ZNF616: variants seen among roughly 807,000 people sequenced by gnomAD.
ZNF616 encodes zinc finger protein 616.
In ZNF616, 5 loss-of-function variants were observed where a neutral mutation model predicts 7.6. The ratio of observed to expected loss-of-function variants is 0.66; its 90% CI spans 0.34 to 1.38. The LOEUF is 1.38. Ranked by LOEUF, ZNF616 falls within the 40% of genes most tolerant of loss-of-function variation. The pLI is 0.04. For missense variants in ZNF616, 913 were observed against 948.3 expected (o/e 0.96, Z 0.49); for synonymous variants, 319 against 317.2 (o/e 1.01, Z -0.06).
intron 2 of ZNF616, among the ~76,000 whole-genome samples, chr19:52,128,674 G>C (rs572344111): frequency 6.6e-6 from 1 of 151,522 alleles, no homozygotes; most frequent in African/African-American, 2.4e-5. Context: ...CCTGGGAGGC[G>C]GAGGCTGCAG....
intron 3 of ZNF616, among the ~76,000 whole-genome samples, chr19:52,122,929 C>T (rs1003071654): frequency 7.9e-5 from 12 of 152,072 alleles, no homozygotes; most frequent in African/African-American, 1.9e-4. Context: ...CCACCGTGCC[C>T]GGTCTCATTA....
chr19:52,133,705 G>T (rs1265027352), intron 1 of ZNF616, among the ~76,000 whole-genome samples: 1 of 152,086 alleles, frequency 6.6e-6, no homozygotes, highest in African/African-American at 2.4e-5. Flanking sequence ...AAGAGCCGGG[G>T]TTTCACTGTA....
chr19:52,114,760 A>G lies in ZNF616; in HGVS notation c.*58T>C. On this transcript the variant is annotated 3_prime_UTR_variant, in exon 4 of 4. Transcript: ENST00000600228. ...AGGGATTTCAAGAGAAGGGGTAAAT[A>G]TACAAGGTATATCAGTAAGTAGGAA... is the stretch of plus-strand genomic sequence containing the variant. 1 of 1,513,066 alleles carries G rather than the reference A, an allele frequency of 6.6e-7. No individual in the cohort carries two copies. The highest frequency in any genetic ancestry group is 2.3e-5 in the East Asian group (1 of 44,166). 93.7% of individuals were successfully genotyped at this position (1,513,066 alleles called of 1,614,324 possible). A position where few individuals can be genotyped will look rare whatever the true frequency, so the allele number is the denominator to read the frequency against.
At chr19:52,120,893 G>A (rs906792442) in intron 3 of ZNF616, among the ~76,000 whole-genome samples, 11 of 152,144 alleles carry the variant, frequency 7.2e-5, no homozygotes, top group African/African-American at 2.4e-4. Flanking sequence ...TTATAAATAG[G>A]ACAGACAGAA....
intron 2 of ZNF616, among the ~76,000 whole-genome samples, chr19:52,127,962 C>T (rs73934989): frequency 0.1 from 15,486 of 152,158 alleles, 2,459 homozygotes; most frequent in African/African-American, 0.34. Context: ...ACTCTTGCCA[C>T]AGAACTTACA....
At chr19:52,123,405 TC>T in intron 3 of ZNF616, among the ~76,000 whole-genome samples, 1 of 152,206 alleles carries the variant, frequency 6.6e-6, no homozygotes, top group East Asian at 1.9e-4. Flanking sequence ...ATATCAGCAC[TC>T]TGGGGTGCCA....
chr19:52,117,140 A>T, intron 3 of ZNF616, 116 bp from the exon 4 acceptor site: 1 of 817,054 alleles, frequency 1.2e-6, no homozygotes, highest in East Asian at 2.9e-5. Context: ...CAGGTGTGAG[A>T]GTTCTCCACC....
chr19:52,127,962 C>G (rs73934989), intron 2 of ZNF616, among the ~76,000 whole-genome samples: 1 of 152,070 alleles, frequency 6.6e-6, no homozygotes, highest in East Asian at 1.9e-4. Context: ...ACTCTTGCCA[C>G]AGAACTTACA....
chr19:52,116,624 AAT>A lies in ZNF616; in HGVS notation c.538_539del (p.Ile180Ter). The A allele has an allele frequency of 1.2e-6, 2 of 1,613,936 alleles. No homozygotes were observed. The highest frequency in any genetic ancestry group is 1.7e-6 in the Non-Finnish European group (2 of 1,179,942). On this transcript the variant is annotated frameshift_variant, in exon 4 of 4. Transcript: ENST00000600228. LOFTEE classifies it low-confidence loss of function (END_TRUNC). ...GNNGCLVSPHIREKTYVCNEC... is the reference protein window; with the variant it reads ...GNNGCLVSPHXREKTYVCNEC... Reference sequence around the variant, plus strand: ...CATTACATACATACGTTTTTTCCCTAATGTGTGGAGAAACTAAACAACCATTA... The same window carrying A: ...CATTACATACATACGTTTTTTCCCTAGTGTGGAGAAACTAAACAACCATTA...
At chr19:52,120,391 C>T (rs1016423301) in intron 3 of ZNF616, among the ~76,000 whole-genome samples, 3 of 152,004 alleles carry the variant, frequency 2.0e-5, no homozygotes, top group Non-Finnish European at 2.9e-5. Context: ...AAGGCAGTAA[C>T]GGATATGAAG....
At chr19:52,131,537 C>T (rs897613752) in intron 1 of ZNF616, among the ~76,000 whole-genome samples, 2 of 152,180 alleles carry the variant, frequency 1.3e-5, no homozygotes, top group Non-Finnish European at 2.9e-5. Context: ...AAGAAACACA[C>T]AGAGCAGAAA....
At position 52,114,526 on chromosome 19, in the gene ZNF616, G is replaced by A. The variant is rs558746317; in HGVS notation, c.*292C>T. ...TTAAAATCATGGTGGAAGGCAAAGC[G>A]GGTGTCGGTATTTCACATGGTGAGA... On this transcript the variant is annotated 3_prime_UTR_variant, in exon 4 of 4. Coordinates refer to ENST00000600228, the MANE Select transcript of ZNF616 (RefSeq NM_178523.5). 1.2e-4 allele frequency: 32 copies of A among 274,890 alleles called. No homozygotes were observed. The South Asian group carries it at 1.8e-3, about 15-fold the overall frequency. The allele number at this position is 274,890 out of a possible 1,614,324, so 17.0% of individuals were successfully genotyped here. A position where few individuals can be genotyped will look rare whatever the true frequency, so the allele number is the denominator to read the frequency against.
At position 52,133,572 on chromosome 19, in the gene ZNF616, G is replaced by C. The variant is rs1413939495; in HGVS notation, c.-76-2984C>G. On this transcript the variant is annotated intron_variant, in intron 1 of 3. Coordinates refer to ENST00000600228, the MANE Select transcript of ZNF616 (RefSeq NM_178523.5). Reference sequence around the variant, plus strand: ...CTCGCTCTGTCGCCTAGGCTGGAGTGCAATGGCACGATCTCGGCTCACTGC... The same window carrying C: ...CTCGCTCTGTCGCCTAGGCTGGAGTCCAATGGCACGATCTCGGCTCACTGC... Among the ~76,000 whole-genome samples the C allele has an allele frequency of 3.3e-5, 5 of 152,228 alleles. No individual in the cohort carries two copies. The South Asian group carries it at 6.2e-4, about 19-fold the overall frequency.
rs145027338 is a variant in ZNF616 at position 52,116,238 on chromosome 19, C to T, written c.926G>A (p.Arg309His). 1.6e-4 allele frequency: 263 copies of T among 1,614,004 alleles called. 1 individual carries two copies. The highest frequency in any genetic ancestry group is 4.5e-4 in the South Asian group (41 of 91,078). ...TGTCTGATGAAGTCTAAGATGGACA[C>T]GCTGACTAAAGGATTTCCCACACAG... is the stretch of plus-strand genomic sequence containing the variant. Reference protein sequence around the residue: ...CNLCGKSFSQRVHLRLHQTVH... With the variant: ...CNLCGKSFSQHVHLRLHQTVH... Residue 309 changes from arginine (R) to histidine (H), a missense_variant, in exon 4 of 4, where the codon CGT becomes CAT. Physicochemically the swap from Arg to His is conservative, Grantham distance 29. Transcript: ENST00000600228.
Position 52,113,787 on chromosome 19 carries a change from T to G in ZNF616, c.*1031A>C, listed in dbSNP as rs1005853392. 16 of 152,206 alleles carry G rather than the reference T, an allele frequency of 1.1e-4. No homozygotes were observed. The highest frequency in any genetic ancestry group is 5.9e-4 in the Admixed American group (9 of 15,282). 9.4% of individuals were successfully genotyped at this position (152,206 alleles called of 1,614,324 possible). A position where few individuals can be genotyped will look rare whatever the true frequency, so the allele number is the denominator to read the frequency against. On this transcript the variant is annotated 3_prime_UTR_variant, in exon 4 of 4. Coordinates refer to ENST00000600228, the MANE Select transcript of ZNF616 (RefSeq NM_178523.5). ...TCCATCCACATCGCTGCAATGGACA[T>G]GATCTCATTCCTTTCTATGGCTGCA...
intron 2 of ZNF616, among the ~76,000 whole-genome samples, chr19:52,128,510 A>G (rs1568561537): frequency 6.6e-6 from 1 of 152,152 alleles, no homozygotes; most frequent in Admixed American, 6.5e-5. Flanking sequence ...TGGGAGGCCA[A>G]AGCGGGTGGA....
At position 52,136,252 on chromosome 19, in the gene ZNF616, G is replaced by A. The variant is rs371676059; in HGVS notation, c.-77+3480C>T. 5.3e-5 allele frequency among the ~76,000 whole-genome samples: 8 copies of A among 151,572 alleles called. No homozygotes were observed. In the East Asian group the frequency reaches 1.6e-3, roughly 30 times the overall value. The stretch of plus-strand genomic sequence containing the variant: ...TCCTAGCACTTTGGGAAGCCGAGGC[G>A]GGCAGATCACCTGTGGTCAGGAGTT... On this transcript the variant is annotated intron_variant, in intron 1 of 3. Coordinates refer to ENST00000600228, the MANE Select transcript of ZNF616 (RefSeq NM_178523.5).
chr19:52,137,592 G>C (rs529919453), intron 1 of ZNF616, among the ~76,000 whole-genome samples: 1 of 152,202 alleles, frequency 6.6e-6, no homozygotes, highest in South Asian at 2.1e-4. Flanking sequence ...GTAATAAGGC[G>C]GAACAGTTGT....
In ZNF616 at chr19:52,138,774, T is replaced by C. The variant is rs920950341; in HGVS notation, c.-77+958A>G. 2.0e-5 allele frequency: 3 copies of C among 152,496 alleles called. No individual in the cohort carries two copies. The Admixed American group carries it at 2.0e-4, about 10-fold the overall frequency. The allele number at this position is 152,496 out of a possible 1,614,324, so 9.4% of individuals were successfully genotyped here. A position where few individuals can be genotyped will look rare whatever the true frequency, so the allele number is the denominator to read the frequency against. On this transcript the variant is annotated intron_variant, in intron 1 of 3. Coordinates refer to ENST00000600228, the MANE Select transcript of ZNF616 (RefSeq NM_178523.5). ...CCTGTTACATCTCCTTTGTTCCCAC[T>C]CTCTAGCACCCCCAACTTCCTAGGC... is the stretch of plus-strand genomic sequence containing the variant.
Sources: allele counts gnomAD v4.1 joint callset (sites outside exome capture counted in the v4.1 genomes callset), GRCh38; gene constraint gnomAD v4.1.1; transcripts MANE v1.5; gene names NCBI Gene and HGNC (gene_info 2026-07-23, HGNC 2026-07-21).